HDAC9: variants seen among roughly 807,000 people sequenced by gnomAD.
HDAC9 encodes histone deacetylase 9.
HDAC9 carries 41 observed loss-of-function variants against 139.4 expected under a neutral mutation model. The ratio of observed to expected loss-of-function variants is 0.29; its 90% CI spans 0.23 to 0.38. The LOEUF is 0.38. HDAC9 is among the 10% of genes least tolerant of loss of function. HDAC9 has a pLI of 1.00. For missense variants in HDAC9, 1,147 were observed against 1,297.0 expected (o/e 0.88, Z 1.78); for synonymous variants, 517 against 476.2 (o/e 1.09, Z -1.12).
intron 12 of HDAC9, chr7:18,666,900 GTT>G (rs1474319569): frequency 1.0e-6 from 1 of 996,782 alleles, no homozygotes; most frequent in East Asian, 1.1e-4. Flanking sequence ...CATTCGATTA[GTT>G]TTTGATTTTT....
intron 19 of HDAC9, among the ~76,000 whole-genome samples, chr7:18,831,942 G>A (rs1428799724): frequency 6.6e-6 from 1 of 152,216 alleles, no homozygotes. Context: ...TATATGTTTA[G>A]TAAATGCAGA....
intron 1 of HDAC9, among the ~76,000 whole-genome samples, chr7:18,152,744 T>G (rs1332411124): frequency 6.6e-6 from 1 of 152,230 alleles, no homozygotes; most frequent in Non-Finnish European, 1.5e-5. Context: ...AACTTGCTCC[T>G]GTGCAAAATA....
intron 12 of HDAC9, among the ~76,000 whole-genome samples, chr7:18,707,628 C>G (rs1490971219): frequency 6.6e-6 from 1 of 151,944 alleles, no homozygotes; most frequent in Non-Finnish European, 1.5e-5. Context: ...TAGGGAAGAA[C>G]AAAACTACAA....
chr7:18,311,122 A>C (rs1309965785), intron 1 of HDAC9, among the ~76,000 whole-genome samples: 2 of 152,014 alleles, frequency 1.3e-5, no homozygotes, highest in African/African-American at 4.8e-5. Context: ...TGATGACAAA[A>C]ATAGGTTACT....
intron 2 of HDAC9, among the ~76,000 whole-genome samples, chr7:18,276,187 C>T (rs138409038): frequency 1.3e-5 from 2 of 152,214 alleles, no homozygotes; most frequent in East Asian, 3.9e-4. Context: ...TATTCTTATA[C>T]TATAGCTTGA....
chr7:18,661,778 T>C (rs1387165535), intron 11 of HDAC9, among the ~76,000 whole-genome samples: 1 of 152,172 alleles, frequency 6.6e-6, no homozygotes, highest in Admixed American at 6.6e-5. Context: ...CTGGCTTTTT[T>C]CTTCCCCATG....
intron 25 of HDAC9, among the ~76,000 whole-genome samples, chr7:18,981,027 G>A (rs143439005): frequency 1.8e-4 from 28 of 151,886 alleles, no homozygotes; most frequent in African/African-American, 5.3e-4. Flanking sequence ...GGGTTTTACC[G>A]TGTTAGTCAG....
chr7:18,332,361 A>ATGTGTGTG (rs33993916), intron 1 of HDAC9, among the ~76,000 whole-genome samples: 118 of 134,720 alleles, frequency 8.8e-4, no homozygotes, highest in African/African-American at 3.3e-3. Context: ...GCATGCGCAC[A>ATGTGTGTG]TGTGTGTGTG....
intron 16 of HDAC9, among the ~76,000 whole-genome samples, chr7:18,777,342 GTT>G: frequency 8.5e-3 from 1 of 118 alleles, no homozygotes; most frequent in Middle Eastern, 0.5. Context: ...TTGCAAGTGG[GTT>G]GGTTTTTTTC....
At chr7:18,434,729 G>A (rs1160337313) in intron 1 of HDAC9, among the ~76,000 whole-genome samples, 1 of 152,038 alleles carries the variant, frequency 6.6e-6, no homozygotes, top group Non-Finnish European at 1.5e-5. Flanking sequence ...TTATTAAAAA[G>A]TCAAAAAATA....
chr7:18,333,270 T>A lies in HDAC9; in HGVS notation c.-42+42755T>A, dbSNP rs368567871. ...ATGGGGTGAAGTTGGAGAGAGGAAA[T>A]GGGGAGATTTAGGCCAAAGAATACA... On this transcript the variant is annotated intron_variant, in intron 1 of 3. Transcript: ENST00000413509. Among the ~76,000 whole-genome samples, 14 of 151,372 alleles carry A rather than the reference T, an allele frequency of 9.2e-5. No homozygotes were observed. The East Asian group carries it at 1.8e-3, about 19-fold the overall frequency.
intron 14 of HDAC9, among the ~76,000 whole-genome samples, chr7:18,749,738 T>C (rs542093748): frequency 5.3e-5 from 8 of 152,246 alleles, no homozygotes; most frequent in Admixed American, 3.3e-4. Flanking sequence ...AAAACAACAG[T>C]CATATCAATT....
chr7:18,615,566 A>G (rs1014597181), intron 6 of HDAC9, among the ~76,000 whole-genome samples: 2 of 152,214 alleles, frequency 1.3e-5, no homozygotes, highest in African/African-American at 4.8e-5. Flanking sequence ...GATCTTCTGC[A>G]AGTAAACAAA....
At position 18,772,128 on chromosome 7, in the gene HDAC9, G is replaced by T. The variant is rs557877459; in HGVS notation, c.2214+4973G>T. ...CTTTTAAAACAGCAAAGAAAGAATA[G>T]GGTGTGGAGGTTACTCAAGCAGTTA... On this transcript the variant is annotated intron_variant, in intron 16 of 25. Transcript: ENST00000686413. Among the ~76,000 whole-genome samples the T allele has an allele frequency of 2.0e-5, 3 of 152,218 alleles. No homozygotes were observed. The South Asian group carries it at 6.2e-4, about 32-fold the overall frequency.
chr7:18,425,798 C>T (rs1194693456), intron 1 of HDAC9, among the ~76,000 whole-genome samples: 1 of 152,182 alleles, frequency 6.6e-6, no homozygotes, highest in Non-Finnish European at 1.5e-5. Context: ...CTGCAAGTCC[C>T]TTTAACAATA....
chr7:18,942,660 C>T (rs1256894105), intron 23 of HDAC9, among the ~76,000 whole-genome samples: 1 of 151,998 alleles, frequency 6.6e-6, no homozygotes. Context: ...TATACTCTAA[C>T]CACAATATGC....
At chr7:18,620,273 A>C (rs1309548397) in intron 6 of HDAC9, among the ~76,000 whole-genome samples, 1 of 152,262 alleles carries the variant, frequency 6.6e-6, no homozygotes, top group East Asian at 1.9e-4. Context: ...CAATAGATCT[A>C]ATTAAATAGT....
Position 18,438,645 on chromosome 7 carries a change from CGTGTGT to C in HDAC9, c.-41-57592_-41-57587del, listed in dbSNP as rs5882662. 8.2e-3 allele frequency among the ~76,000 whole-genome samples: 1,219 copies of C among 148,008 alleles called. 14 individuals carry two copies. Among genetic ancestry groups the C allele is most frequent in the African/African-American group, 0.016 (659 of 40,300 alleles). ...AAAAGACAGTGATATGCTGTGTGTG[CGTGTGT>C]GTGTGTGTGTGTGTGTGTGTGTGTA... is the stretch of plus-strand genomic sequence containing the variant. On this transcript the variant is annotated intron_variant, in intron 1 of 3. Coordinates refer to the HDAC9 transcript ENST00000413509.
intron 1 of HDAC9, among the ~76,000 whole-genome samples, chr7:18,111,889 G>A (rs1360376154): frequency 6.6e-6 from 1 of 152,210 alleles, no homozygotes; most frequent in African/African-American, 2.4e-5. Flanking sequence ...GTGCAGTAGA[G>A]TGGTGTATGT....
Sources: gnomAD v4.1 joint callset for allele counts (sites outside exome capture counted in the v4.1 genomes callset) on GRCh38, gnomAD v4.1.1 for gene constraint, MANE v1.5 for transcripts, NCBI Gene and HGNC (gene_info 2026-07-23, HGNC 2026-07-21) for gene names.